Variants in PTPN4 observed in about 807,000 individuals in gnomAD.
The protein encoded by PTPN4 is tyrosine-protein phosphatase non-receptor type 4.
A neutral mutation model predicts 135.5 loss-of-function variants in PTPN4; 49 were observed. The observed-to-expected ratio is 0.36, with a 90% CI of 0.29 to 0.46. The LOEUF is 0.46. Among genes scored for constraint, PTPN4 ranks in the 20% least tolerant of loss-of-function variants. The probability of loss-of-function intolerance (pLI) is 1.00; values close to 1 mark genes in which losing one functional copy is unlikely to be tolerated. For missense variants in PTPN4, 860 were observed against 1,101.0 expected, an observed-to-expected ratio of 0.78 and a Z score of 3.10; for synonymous variants, 333 against 369.9, an observed-to-expected ratio of 0.90 and a Z score of 1.14.
intron 11 of PTPN4, among the ~76,000 whole-genome samples, chr2:119,918,306 A>AG (rs1295643741): frequency 6.6e-6 from 1 of 152,354 alleles, no homozygotes; most frequent in East Asian, 1.9e-4. Context: ...CGGACATAGA[A>AG]GGAAACCTTC....
intron 2 of PTPN4, among the ~76,000 whole-genome samples, chr2:119,844,745 C>T (rs1262572093): frequency 2.8e-5 from 4 of 144,020 alleles, no homozygotes; most frequent in Admixed American, 6.8e-5. Context: ...GGCGGCCGGG[C>T]GGAGACGCTC....
At chr2:119,888,659 A>T (rs1267399107) in intron 9 of PTPN4, among the ~76,000 whole-genome samples, 3 of 152,118 alleles carry the variant, frequency 2.0e-5, no homozygotes, top group Admixed American at 2.0e-4. Flanking sequence ...CTATCCTTAC[A>T]TTCCTGATAT....
intron 26 of PTPN4, among the ~76,000 whole-genome samples, chr2:119,976,416 A>G (rs1679619633): frequency 6.6e-6 from 1 of 151,920 alleles, no homozygotes; most frequent in Non-Finnish European, 1.5e-5. Flanking sequence ...TATTATACGT[A>G]CTTTACCTAC....
At chr2:119,778,848 C>T (rs1055837416) in intron 1 of PTPN4, among the ~76,000 whole-genome samples, 3 of 152,114 alleles carry the variant, frequency 2.0e-5, no homozygotes, top group Admixed American at 6.5e-5. Context: ...ATCAGTGAAT[C>T]CCAGTGTAGG....
intron 3 of PTPN4, among the ~76,000 whole-genome samples, chr2:119,873,402 A>G (rs1328704541): frequency 6.6e-6 from 1 of 152,212 alleles, no homozygotes; most frequent in Non-Finnish European, 1.5e-5. Context: ...AGTAGAAACC[A>G]TGCAGATCTC....
intron 10 of PTPN4, 130 bp downstream of exon 10, chr2:119,900,936 T>A: frequency 4.0e-6 from 2 of 496,264 alleles, no homozygotes; most frequent in East Asian, 7.2e-5. Context: ...TTATACTTTA[T>A]CCCACTTAGT....
intron 3 of PTPN4, among the ~76,000 whole-genome samples, chr2:119,866,111 A>C (rs573962439): frequency 1.3e-5 from 2 of 152,080 alleles, no homozygotes; most frequent in African/African-American, 2.4e-5. Flanking sequence ...TAAATGAGGA[A>C]AATAATATTG....
rs547148228 is a variant in PTPN4 at position 119,949,363 on chromosome 2, A to G, written c.1657-2610A>G. Among the ~76,000 whole-genome samples, 107 of 152,312 alleles carry G rather than the reference A, an allele frequency of 7.0e-4. 1 individual carries two copies. The highest frequency in any genetic ancestry group is 2.5e-3 in the African/African-American group (104 of 41,568). On this transcript the variant is annotated intron_variant, in intron 18 of 26. Transcript: ENST00000263708. ...AGTTTAGGCAATCGGGGGAAAAGGA[A>G]AAGGTTTCTGTTTTTGTATGAATAC...
At chr2:119,838,060 G>T (rs1677322508) in intron 2 of PTPN4, among the ~76,000 whole-genome samples, 1 of 152,260 alleles carries the variant, frequency 6.6e-6, no homozygotes, top group African/African-American at 2.4e-5. Flanking sequence ...AAACAGGAAG[G>T]CCGTTTAATT....
chr2:119,944,868 A>G (rs924421151), intron 15 of PTPN4, among the ~76,000 whole-genome samples: 3 of 152,072 alleles, frequency 2.0e-5, no homozygotes, highest in South Asian at 2.1e-4. Flanking sequence ...CCTTGATAAT[A>G]TATTTTATTA....
chr2:119,837,283 C>T (rs913148592), intron 2 of PTPN4, among the ~76,000 whole-genome samples: 2 of 152,104 alleles, frequency 1.3e-5, no homozygotes, highest in Non-Finnish European at 2.9e-5. Flanking sequence ...CTCGACTCTT[C>T]GAGGCAATCT....
intron 24 of PTPN4, among the ~76,000 whole-genome samples, chr2:119,962,961 T>A (rs1459882554): frequency 1.3e-5 from 2 of 152,170 alleles, no homozygotes; most frequent in East Asian, 3.8e-4. Flanking sequence ...TGACTAAATA[T>A]GAATGGTCAG....
At chr2:119,926,011 T>C (rs1191690075) in intron 12 of PTPN4, among the ~76,000 whole-genome samples, 2 of 152,368 alleles carry the variant, frequency 1.3e-5, no homozygotes, top group African/African-American at 4.8e-5. Context: ...TATTTACTGA[T>C]ATTTATCCAT....
chr2:119,816,842 T>C (rs1250111911), intron 2 of PTPN4, among the ~76,000 whole-genome samples: 7 of 152,234 alleles, frequency 4.6e-5, no homozygotes, highest in Admixed American at 4.6e-4. Context: ...ACCTTGACTT[T>C]AATCTGGAAT....
At chr2:119,781,500 C>T (rs1345782735) in intron 1 of PTPN4, among the ~76,000 whole-genome samples, 1 of 152,140 alleles carries the variant, frequency 6.6e-6, no homozygotes, top group East Asian at 1.9e-4. Context: ...AATGTTGCAT[C>T]AAGACCACTG....
At chr2:119,768,773 A>G (rs1292577276) in intron 1 of PTPN4, among the ~76,000 whole-genome samples, 1 of 152,180 alleles carries the variant, frequency 6.6e-6, no homozygotes, top group East Asian at 1.9e-4. Context: ...AGGTCCATGT[A>G]GGAAAGAGAA....
At chr2:119,851,515 G>A (rs187442159) in intron 2 of PTPN4, among the ~76,000 whole-genome samples, 19 of 152,252 alleles carry the variant, frequency 1.2e-4, no homozygotes, top group Admixed American at 6.5e-4. Context: ...CCTTACGGTG[G>A]GCTGTCCATA....
chr2:119,857,003 G>A (rs1446722885), intron 2 of PTPN4, among the ~76,000 whole-genome samples: 2 of 152,088 alleles, frequency 1.3e-5, no homozygotes, highest in Non-Finnish European at 2.9e-5. Flanking sequence ...GTGAGACTGA[G>A]TAAAATGAGT....
At chr2:119,932,073 T>G (rs1315246563) in intron 13 of PTPN4, among the ~76,000 whole-genome samples, 2 of 152,206 alleles carry the variant, frequency 1.3e-5, no homozygotes, top group African/African-American at 4.8e-5. Flanking sequence ...TACTCTGGAA[T>G]AGAAGTAGGT....
Sources: gnomAD v4.1 joint callset for allele counts (sites outside exome capture counted in the v4.1 genomes callset) on GRCh38, gnomAD v4.1.1 for gene constraint, MANE v1.5 for transcripts, NCBI Gene and HGNC (gene_info 2026-07-23, HGNC 2026-07-21) for gene names.